IL1RAPL1: variants seen among roughly 807,000 people sequenced by gnomAD.
The protein encoded by IL1RAPL1 is interleukin 1 receptor accessory protein like 1, also known as interleukin-1 receptor accessory protein-like 1.
Under a neutral mutation model 48.4 loss-of-function variants are expected in IL1RAPL1, and 3 were observed. That is an observed-to-expected ratio of 0.06 (90% confidence interval 0.03 to 0.16). The LOEUF (loss-of-function observed/expected upper bound fraction) is 0.16. Among genes scored for constraint, IL1RAPL1 ranks in the 10% least tolerant of loss-of-function variants. IL1RAPL1 has a pLI of 1.00. For synonymous variants in IL1RAPL1, 185 were observed against 187.7 expected (o/e 0.99, Z 0.12); for missense variants, 349 against 530.6 (o/e 0.66, Z 3.36).
chrX:28,769,486 T>C (rs1936287749), intron 1 of IL1RAPL1, among the ~76,000 whole-genome samples: 1 of 111,603 alleles, frequency 9.0e-6, no homozygotes, highest in South Asian at 3.8e-4. Context: ...GAGACAGCTA[T>C]CTAAGAAGTA....
intron 6 of IL1RAPL1, among the ~76,000 whole-genome samples, chrX:29,738,404 C>T (rs1928102425): frequency 1.8e-5 from 2 of 108,673 alleles, no homozygotes; most frequent in African/African-American, 6.7e-5. Context: ...AATCTTCTGA[C>T]TACTTGTCAT....
intron 4 of IL1RAPL1, among the ~76,000 whole-genome samples, chrX:29,398,186 A>G (rs893971903): frequency 8.9e-6 from 1 of 112,191 alleles, no homozygotes; most frequent in Non-Finnish European, 1.9e-5. Flanking sequence ...AATTTATGCA[A>G]TTACCACAAG....
chrX:29,334,724 C>G (rs1325620435), intron 3 of IL1RAPL1, among the ~76,000 whole-genome samples: 6 of 112,737 alleles, frequency 5.3e-5, no homozygotes, highest in Non-Finnish European at 7.5e-5. Flanking sequence ...GATGGGCGGC[C>G]GGGCAGAGAC....
chrX:29,205,574 T>C (rs1157193006), intron 2 of IL1RAPL1, among the ~76,000 whole-genome samples: 3 of 111,366 alleles, frequency 2.7e-5, no homozygotes, highest in African/African-American at 9.8e-5. Context: ...GATTAAACTG[T>C]CCAAGCTTCA....
At chrX:28,798,149 G>T (rs1002504895) in intron 2 of IL1RAPL1, among the ~76,000 whole-genome samples, 1 of 111,337 alleles carries the variant, frequency 9.0e-6, no homozygotes, top group East Asian at 2.8e-4. Flanking sequence ...TACAATTCAA[G>T]ATGAGATTTG....
At chrX:29,940,427 A>T (rs1220309506) in intron 8 of IL1RAPL1, among the ~76,000 whole-genome samples, 1 of 111,809 alleles carries the variant, frequency 8.9e-6, no homozygotes, top group Admixed American at 9.5e-5. Flanking sequence ...GAAATTAGAT[A>T]ACTTACTGGT....
chrX:29,108,413 T>G (rs1361565924), intron 2 of IL1RAPL1, among the ~76,000 whole-genome samples: 4 of 110,956 alleles, frequency 3.6e-5, no homozygotes, highest in Non-Finnish European at 7.5e-5. Context: ...GTTTGTTTGT[T>G]TTTTTGAGAC....
intron 5 of IL1RAPL1, among the ~76,000 whole-genome samples, chrX:29,461,185 A>G (rs191158132): frequency 4.9e-4 from 55 of 111,708 alleles, no homozygotes; most frequent in African/African-American, 1.7e-3. Flanking sequence ...AAGTTATTCA[A>G]TACCATTAGT....
intron 8 of IL1RAPL1, among the ~76,000 whole-genome samples, chrX:29,926,632 G>T (rs1207248436): frequency 8.9e-6 from 1 of 111,907 alleles, no homozygotes; most frequent in African/African-American, 3.2e-5. Flanking sequence ...TCTATAGCAG[G>T]ATTTCTCAAT....
At chrX:28,743,913 T>C (rs886594625) in intron 1 of IL1RAPL1, among the ~76,000 whole-genome samples, 5 of 111,224 alleles carry the variant, frequency 4.5e-5, no homozygotes, top group African/African-American at 1.6e-4. Flanking sequence ...TATCTTGCCC[T>C]GTAATTATGT....
At chrX:28,976,536 CAAAT>C (rs1925211908) in intron 2 of IL1RAPL1, among the ~76,000 whole-genome samples, 1 of 111,440 alleles carries the variant, frequency 9.0e-6, no homozygotes, top group African/African-American at 3.3e-5. Context: ...CAGTTTTTGA[CAAAT>C]TAATTTTGAG....
chrX:29,876,435 T>C, intron 6 of IL1RAPL1, among the ~76,000 whole-genome samples: 1 of 111,104 alleles, frequency 9.0e-6, no homozygotes, highest in Middle Eastern at 4.6e-3. Context: ...AAGGAGAAAA[T>C]AGCAAAGAGT....
At chrX:28,851,956 G>C (rs1921673422) in intron 2 of IL1RAPL1, among the ~76,000 whole-genome samples, 1 of 112,084 alleles carries the variant, frequency 8.9e-6, no homozygotes, top group South Asian at 3.7e-4. Flanking sequence ...TATAGTTTAA[G>C]AAAATTATCT....
intron 6 of IL1RAPL1, among the ~76,000 whole-genome samples, chrX:29,704,646 G>T (rs1927144245): frequency 9.0e-6 from 1 of 111,277 alleles, no homozygotes; most frequent in Admixed American, 9.5e-5. Flanking sequence ...TCCAGCCTGG[G>T]TGACAGAGTG....
intron 3 of IL1RAPL1, among the ~76,000 whole-genome samples, chrX:29,381,910 ATAATGACATCAG>A (rs1206790312): frequency 7.6e-5 from 8 of 105,429 alleles, no homozygotes; most frequent in Non-Finnish European, 1.2e-4. Flanking sequence ...TAAATGGTAG[ATAATGACATCAG>A]TAACCACAAA....
At chrX:29,446,305 G>A (rs928656952) in intron 5 of IL1RAPL1, among the ~76,000 whole-genome samples, 1 of 111,313 alleles carries the variant, frequency 9.0e-6, no homozygotes, top group Admixed American at 9.6e-5. Flanking sequence ...TTACATCTGC[G>A]ACAAAAAACA....
At chrX:29,597,636 A>G (rs1463680542) in intron 5 of IL1RAPL1, among the ~76,000 whole-genome samples, 2 of 111,875 alleles carry the variant, frequency 1.8e-5, no homozygotes, top group East Asian at 5.6e-4. Flanking sequence ...TTCTTCTTTG[A>G]TATAATTCAG....
At chrX:28,633,583 A>G (rs1353724265) in intron 1 of IL1RAPL1, among the ~76,000 whole-genome samples, 1 of 112,397 alleles carries the variant, frequency 8.9e-6, no homozygotes, top group African/African-American at 3.2e-5. Context: ...AGAATGAGAC[A>G]GAACTATTTT....
chrX:28,944,362 A>T (rs1924240855), intron 2 of IL1RAPL1, among the ~76,000 whole-genome samples: 1 of 110,412 alleles, frequency 9.1e-6, no homozygotes, highest in Non-Finnish European at 1.9e-5. Context: ...TTCTAAGAAA[A>T]TCGCACGTTA....
Sources: gnomAD v4.1 joint callset for allele counts (sites outside exome capture counted in the v4.1 genomes callset) on GRCh38, gnomAD v4.1.1 for gene constraint, MANE v1.5 for transcripts, NCBI Gene and HGNC (gene_info 2026-07-23, HGNC 2026-07-21) for gene names.